The following TMEM132B variants were observed in gnomAD, a reference collection of about 807,000 sequenced individuals.
The protein encoded by TMEM132B is transmembrane protein 132B.
A neutral mutation model predicts 90.8 loss-of-function variants in TMEM132B; 18 were observed. The ratio of observed to expected loss-of-function variants is 0.20; its 90% CI spans 0.14 to 0.29. The LOEUF is 0.29. Ranked by LOEUF, TMEM132B falls within the 10% of genes least tolerant of loss-of-function variation. TMEM132B has a pLI of 1.00. For synonymous variants in TMEM132B, 504 were observed against 523.3 expected (o/e 0.96, Z 0.50); for missense variants, 1,096 against 1,326.8 (o/e 0.83, Z 2.70).
At chr12:125,436,346 C>A (rs5015409) in intron 3 of TMEM132B, among the ~76,000 whole-genome samples, 31,003 of 152,084 alleles carry the variant, frequency 0.2, 3,899 homozygotes, top group African/African-American at 0.36. Context: ...GCCATGCTCT[C>A]TTCCTGTTAT....
At chr12:125,382,509 G>A (rs1878715605) in intron 2 of TMEM132B, among the ~76,000 whole-genome samples, 1 of 152,144 alleles carries the variant, frequency 6.6e-6, no homozygotes, top group Non-Finnish European at 1.5e-5. Context: ...GCCTGGTTCT[G>A]ACTCTTTATG....
In TMEM132B at chr12:125,492,129, G is replaced by A. The variant is rs1372154099; in HGVS notation, c.1107-27310G>A. 1.3e-5 allele frequency among the ~76,000 whole-genome samples: 2 copies of A among 152,142 alleles called. No homozygotes were observed. The highest frequency in any genetic ancestry group is 4.8e-5 in the African/African-American group (2 of 41,422). The stretch of plus-strand genomic sequence containing the variant: ...CATGTCATGGGGATCTGGGTTTCTG[G>A]GGAAGGGTGAGAGTGCCCTGCTGCC... On this transcript the variant is annotated intron_variant, in intron 3 of 8. Coordinates refer to ENST00000682704, the MANE Select transcript of TMEM132B (RefSeq NM_001366854.1). This position sits in a 1 kb window ranked among gnomAD's most constrained non-coding sequence, Gnocchi z 5.8.
intron 3 of TMEM132B, among the ~76,000 whole-genome samples, chr12:125,431,717 T>G (rs1220403865): frequency 1.3e-5 from 2 of 152,182 alleles, no homozygotes; most frequent in East Asian, 3.9e-4. Context: ...GCATTGTCCT[T>G]GGTGCTCCCA....
intron 4 of TMEM132B, among the ~76,000 whole-genome samples, chr12:125,573,285 C>T (rs1385109770): frequency 2.6e-5 from 4 of 152,130 alleles, no homozygotes; most frequent in Non-Finnish European, 5.9e-5. Context: ...TGTCCCTGCT[C>T]CTGTGATTTT....
At chr12:125,499,619 A>C (rs887978754) in intron 3 of TMEM132B, among the ~76,000 whole-genome samples, 2 of 152,200 alleles carry the variant, frequency 1.3e-5, no homozygotes, top group African/African-American at 4.8e-5. Context: ...GTGCCTGTCC[A>C]TATGGATAAG....
In TMEM132B at chr12:125,213,315, C is replaced by T. The variant is rs1873363818; in HGVS notation, c.67+26449C>T. On this transcript the variant is annotated intron_variant, in intron 1 of 8. Transcript: ENST00000682704. This position sits in a 1 kb window ranked among gnomAD's most constrained non-coding sequence, Gnocchi z 4.2. ...TCGGATATGCCACCTTTTGTTTATC[C>T]GTTCATCTGTTAGTGGGTGTTTGGG... Among the ~76,000 whole-genome samples the T allele has an allele frequency of 1.3e-5, 2 of 152,138 alleles. No individual in the cohort carries two copies. The highest frequency in any genetic ancestry group is 4.8e-5 in the African/African-American group (2 of 41,432).
intron 5 of TMEM132B, chr12:125,587,480 C>G (rs556598977): frequency 6.6e-5 from 10 of 152,216 alleles, no homozygotes; most frequent in African/African-American, 2.2e-4. Flanking sequence ...GGCAAGTTCG[C>G]ACAGAAATCT....
chr12:125,394,865 A>G (rs1160244820), intron 2 of TMEM132B, among the ~76,000 whole-genome samples: 1 of 152,182 alleles, frequency 6.6e-6, no homozygotes. Flanking sequence ...AGATGGAAAT[A>G]ATAGACACTG....
chr12:125,211,068 CAA>C (rs11342320), intron 1 of TMEM132B, among the ~76,000 whole-genome samples: 18 of 129,690 alleles, frequency 1.4e-4, no homozygotes, highest in African/African-American at 3.7e-4. Context: ...GACTCCATCT[CAA>C]AAAAAAAAAA....
At chr12:125,607,243 G>T (rs1223581779) in intron 5 of TMEM132B, among the ~76,000 whole-genome samples, 2 of 152,204 alleles carry the variant, frequency 1.3e-5, no homozygotes, top group Non-Finnish European at 2.9e-5. Flanking sequence ...AAAAATTTTA[G>T]ATGATTAAAT....
At chr12:125,413,824 G>A (rs1879929318) in intron 2 of TMEM132B, among the ~76,000 whole-genome samples, 1 of 152,184 alleles carries the variant, frequency 6.6e-6, no homozygotes, top group Non-Finnish European at 1.5e-5. Context: ...GTATTTGTTT[G>A]AGTGCCTGTT....
intron 2 of TMEM132B, among the ~76,000 whole-genome samples, chr12:125,402,031 G>A (rs1879334960): frequency 6.6e-6 from 1 of 152,122 alleles, no homozygotes; most frequent in African/African-American, 2.4e-5. Context: ...TTGCTAGTAG[G>A]ATCACAAAAA....
chr12:125,630,918 T>A (rs1269868066), intron 5 of TMEM132B, among the ~76,000 whole-genome samples: 1 of 150,084 alleles, frequency 6.7e-6, no homozygotes, highest in Non-Finnish European at 1.5e-5. Context: ...AAAGACACGA[T>A]CTCATTCTTA....
At chr12:125,626,862 G>C (rs1019287835) in intron 5 of TMEM132B, among the ~76,000 whole-genome samples, 3 of 151,378 alleles carry the variant, frequency 2.0e-5, no homozygotes, top group African/African-American at 7.2e-5. Context: ...AAAAATCTTG[G>C]TTATATAGTT....
intron 3 of TMEM132B, among the ~76,000 whole-genome samples, chr12:125,489,372 A>T (rs151030788): frequency 2.6e-5 from 4 of 152,100 alleles, no homozygotes; most frequent in Admixed American, 6.5e-5. Context: ...ATTATTATTT[A>T]AAAATTTTTA....
At chr12:125,461,999 A>T (rs2136473974) in intron 3 of TMEM132B, among the ~76,000 whole-genome samples, 1 of 152,350 alleles carries the variant, frequency 6.6e-6, no homozygotes, top group South Asian at 2.1e-4. Flanking sequence ...TCATGTGCTC[A>T]TATTTGAACC....
intron 1 of TMEM132B, among the ~76,000 whole-genome samples, chr12:125,200,105 C>T (rs558462743): frequency 1.3e-5 from 2 of 152,214 alleles, no homozygotes; most frequent in Non-Finnish European, 2.9e-5. Flanking sequence ...ACCAGTGTTA[C>T]AACCACACTT....
chr12:125,614,494 A>C (rs1480512879), intron 5 of TMEM132B, among the ~76,000 whole-genome samples: 1 of 152,166 alleles, frequency 6.6e-6, no homozygotes, highest in Non-Finnish European at 1.5e-5. Context: ...TATATCCCAC[A>C]TTTCTTTATC....
intron 5 of TMEM132B, among the ~76,000 whole-genome samples, chr12:125,624,808 C>T (rs1886191708): frequency 6.6e-6 from 1 of 152,118 alleles, no homozygotes; most frequent in African/African-American, 2.4e-5. Context: ...AGGTCAGTGC[C>T]TTTCTCCCCC....
Sources: gnomAD v4.1 joint callset for allele counts (sites outside exome capture counted in the v4.1 genomes callset) on GRCh38, gnomAD v4.1.1 for gene constraint, Gnocchi (gnomAD v3.1) non-coding constraint, MANE v1.5 for transcripts, NCBI Gene and HGNC (gene_info 2026-07-23, HGNC 2026-07-21) for gene names.